The following FAM227B variants were observed in gnomAD, a reference collection of about 807,000 sequenced individuals.
FAM227B encodes protein FAM227B.
In FAM227B, 88 loss-of-function variants were observed where a neutral mutation model predicts 73.8. That is an observed-to-expected ratio of 1.19 (90% CI 1.00 to 1.42). FAM227B has a LOEUF of 1.42. Among genes scored for constraint, FAM227B ranks in the 40% most tolerant of loss-of-function variants. The pLI, the probability that FAM227B is intolerant of heterozygous loss-of-function variation, is 0.00. For synonymous variants in FAM227B, 210 were observed against 190.5 expected, an observed-to-expected ratio of 1.10 and a Z score of -0.84; for missense variants, 632 against 590.9, an observed-to-expected ratio of 1.07 and a Z score of -0.72.
chr15:49,362,000 T>G (rs1187476293), intron 13 of FAM227B, among the ~76,000 whole-genome samples: 1 of 152,226 alleles, frequency 6.6e-6, no homozygotes, highest in Non-Finnish European at 1.5e-5. Flanking sequence ...TGATTAGTGA[T>G]GTTGAGCATT....
intron 11 of FAM227B, among the ~76,000 whole-genome samples, chr15:49,500,312 C>T (rs2058035089): frequency 2.6e-5 from 4 of 152,242 alleles, no homozygotes; most frequent in Non-Finnish European, 2.9e-5. Flanking sequence ...TTTGAACAGA[C>T]ACTTCAGCAG....
In FAM227B at chr15:49,577,496, T is replaced by C. The variant is rs73404174; in HGVS notation, c.441+133A>G. The C allele has an allele frequency of 0.023, 13,037 of 556,926 alleles. 1,334 individuals are homozygous for C. The highest frequency in any genetic ancestry group is 0.22 in the African/African-American group (11,294 of 51,938). The allele number at this position is 556,926 out of a possible 1,614,324, so 34.5% of individuals were successfully genotyped here. ...AGACTAGGCAGAAAGAGAAAGCTTC[T>C]ATACCTGTTTCCAACTCTCTCCTCT... On this transcript the variant is annotated intron_variant, in intron 6 of 15. Transcript: ENST00000299338.
At chr15:49,408,499 G>T (rs924538981) in intron 11 of FAM227B, among the ~76,000 whole-genome samples, 8 of 152,030 alleles carry the variant, frequency 5.3e-5, no homozygotes, top group Non-Finnish European at 1.2e-4. Flanking sequence ...TTGCTCTCTC[G>T]CTTTTCCTTC....
At chr15:49,618,482 A>G (rs1243261620) in intron 1 of FAM227B, among the ~76,000 whole-genome samples, 1 of 152,260 alleles carries the variant, frequency 6.6e-6, no homozygotes, top group Non-Finnish European at 1.5e-5. Flanking sequence ...GAGAAAGGAA[A>G]GTAAAAAGTT....
intron 10 of FAM227B, among the ~76,000 whole-genome samples, chr15:49,515,237 T>C (rs570128780): frequency 4.1e-4 from 62 of 152,260 alleles, no homozygotes; most frequent in African/African-American, 1.4e-3. Context: ...GATTCTTTCC[T>C]TGGGTGTGAC....
At chr15:49,489,867 TATATATATATATATATAGAGAG>T (rs1567383094) in intron 11 of FAM227B, among the ~76,000 whole-genome samples, 35 of 13,878 alleles carry the variant, frequency 2.5e-3, no homozygotes, top group South Asian at 5.1e-3. Context: ...ATTTTATATA[TATATATATATATATATAGAGAG>T]AGAGAGAGAG....
chr15:49,347,095 TAAGTTTCACTA>T (rs1293856578), intron 13 of FAM227B, among the ~76,000 whole-genome samples: 1 of 152,230 alleles, frequency 6.6e-6, no homozygotes, highest in East Asian at 1.9e-4. Context: ...GCAGTTCTAG[TAAGTTTCACTA>T]TTTAATACAT....
intron 9 of FAM227B, among the ~76,000 whole-genome samples, chr15:49,545,583 G>T (rs957472893): frequency 6.6e-6 from 1 of 152,100 alleles, no homozygotes; most frequent in African/African-American, 2.4e-5. Context: ...TGTGACCTTA[G>T]ATTGTCTATT....
At chr15:49,447,479 A>G (rs2052331197) in intron 11 of FAM227B, among the ~76,000 whole-genome samples, 1 of 151,686 alleles carries the variant, frequency 6.6e-6, no homozygotes, top group Non-Finnish European at 1.5e-5. Context: ...TAGTATAGAA[A>G]TCATGCTAGA....
chr15:49,470,057 C>T (rs1377796461), intron 11 of FAM227B, among the ~76,000 whole-genome samples: 2 of 151,904 alleles, frequency 1.3e-5, no homozygotes, highest in African/African-American at 4.8e-5. Flanking sequence ...AAATTTAAGC[C>T]CTGCATACAA....
intron 11 of FAM227B, among the ~76,000 whole-genome samples, chr15:49,455,926 A>G (rs72727298): frequency 0.052 from 7,865 of 152,188 alleles, 274 homozygotes; most frequent in East Asian, 0.073. Flanking sequence ...TGTGTTGGAA[A>G]TTACTACAGA....
At chr15:49,382,438 A>G (rs2046600538) in intron 11 of FAM227B, among the ~76,000 whole-genome samples, 1 of 152,130 alleles carries the variant, frequency 6.6e-6, no homozygotes, top group Non-Finnish European at 1.5e-5. Context: ...TTTAGGAAAA[A>G]GTAAATTTGA....
chr15:49,521,081 C>T (rs531176974), intron 10 of FAM227B, among the ~76,000 whole-genome samples: 24 of 152,272 alleles, frequency 1.6e-4, no homozygotes, highest in Admixed American at 7.2e-4. Context: ...TGTGTGTTCA[C>T]GCTCCCCTCA....
intron 3 of FAM227B, among the ~76,000 whole-genome samples, chr15:49,591,366 T>TCCCC (rs2076551644): frequency 5.6e-5 from 4 of 70,858 alleles, no homozygotes; most frequent in African/African-American, 2.2e-4. Flanking sequence ...CACCACACCC[T>TCCCC]CCCTCCCTCC....
chr15:49,499,837 A>G (rs1180463060), intron 11 of FAM227B, among the ~76,000 whole-genome samples: 1 of 152,198 alleles, frequency 6.6e-6, no homozygotes, highest in Non-Finnish European at 1.5e-5. Flanking sequence ...TATACATATA[A>G]TTAAGAAAAA....
chr15:49,586,554 T>G (rs2076176650), intron 5 of FAM227B, among the ~76,000 whole-genome samples: 1 of 152,094 alleles, frequency 6.6e-6, no homozygotes, highest in South Asian at 2.1e-4. Context: ...CCAATTGAAC[T>G]AAAGAGCTTC....
At chr15:49,612,747 T>A (rs1048365383) in intron 2 of FAM227B, among the ~76,000 whole-genome samples, 3 of 152,116 alleles carry the variant, frequency 2.0e-5, no homozygotes, top group African/African-American at 7.2e-5. Flanking sequence ...TATCAATATA[T>A]AAAGTGGTCA....
intron 11 of FAM227B, among the ~76,000 whole-genome samples, chr15:49,444,160 T>C (rs2051953677): frequency 6.6e-6 from 1 of 151,644 alleles, no homozygotes; most frequent in Non-Finnish European, 1.5e-5. Context: ...AACTCATCAA[T>C]GAGAACCATA....
chr15:49,543,180 G>C (rs1239270331), intron 9 of FAM227B, among the ~76,000 whole-genome samples: 1 of 151,916 alleles, frequency 6.6e-6, no homozygotes, highest in East Asian at 1.9e-4. Flanking sequence ...ATTATTTTTG[G>C]ATTTTTTACT....
Sources: allele counts gnomAD v4.1 joint callset (sites outside exome capture counted in the v4.1 genomes callset), GRCh38; gene constraint gnomAD v4.1.1; transcripts MANE v1.5; gene names NCBI Gene and HGNC (gene_info 2026-07-23, HGNC 2026-07-21).